FBXW2: variants seen among roughly 807,000 people sequenced by gnomAD.
FBXW2 encodes the protein F-box/WD repeat-containing protein 2.
In FBXW2, 12 loss-of-function variants were observed where a neutral mutation model predicts 46.0. That is an observed-to-expected ratio of 0.26 (90% CI 0.17 to 0.42). FBXW2 has a LOEUF of 0.42. Ranked by LOEUF, FBXW2 falls within the 10% of genes least tolerant of loss-of-function variation. The probability of loss-of-function intolerance (pLI) is 1.00; values close to 1 mark genes in which losing one functional copy is unlikely to be tolerated. For missense variants in FBXW2, 360 were observed against 537.0 expected, an observed-to-expected ratio of 0.67 and a Z score of 3.26; for synonymous variants, 203 against 209.6, an observed-to-expected ratio of 0.97 and a Z score of 0.27.
intron 6 of FBXW2, among the ~76,000 whole-genome samples, chr9:120,772,426 G>A (rs1207775386): frequency 6.6e-6 from 1 of 152,136 alleles, no homozygotes; most frequent in Non-Finnish European, 1.5e-5. Context: ...CCAGGGGGCG[G>A]AGGTTGCAGT....
intron 5 of FBXW2, among the ~76,000 whole-genome samples, chr9:120,773,282 A>G (rs2044419894): frequency 6.6e-6 from 1 of 152,190 alleles, no homozygotes; most frequent in South Asian, 2.1e-4. Flanking sequence ...AAATTATAAA[A>G]TGTAACTTAA....
At position 120,778,451 on chromosome 9, in the gene FBXW2, A is replaced by G. The variant is rs755679141; in HGVS notation, c.585T>C (p.Asp195=). 1 of 1,614,124 alleles carries G rather than the reference A, an allele frequency of 6.2e-7. No individual in the cohort carries two copies. Among genetic ancestry groups the G allele is most frequent in the South Asian group, 1.1e-5 (1 of 91,066 alleles). ...QTHTCAAVKF[D]EQKLVTGSFD... is the part of the protein sequence containing the mutation. The stretch of plus-strand genomic sequence containing the variant: ...AGGAGCCTGTCACAAGCTTCTGTTC[A>G]TCAAACTTCACCGCTGCACAAGTGT... Residue 195 remains aspartate, a synonymous_variant, in exon 4 of 8, where the codon GAT becomes GAC. Coordinates refer to ENST00000608872, the MANE Select transcript of FBXW2 (RefSeq NM_012164.4).
rs1003744596 is a variant in FBXW2, at chr9:120,758,892, A to G, written c.*5667T>C. On this transcript the variant is annotated 3_prime_UTR_variant, in exon 8 of 8. Coordinates refer to ENST00000608872, the MANE Select transcript of FBXW2 (RefSeq NM_012164.4). ...GAGGAAGACTATTCCAAGGTCTGGA[A>G]GCAAAATGGGACTTTTACCCACCCC... The G allele has an allele frequency of 2.6e-5, 4 of 152,236 alleles. No homozygotes were observed. Among genetic ancestry groups the G allele is most frequent in the Non-Finnish European group, 5.9e-5 (4 of 68,036 alleles). The allele number at this position is 152,236 out of a possible 1,614,324, so 9.4% of individuals were successfully genotyped here.
In FBXW2 at chr9:120,760,871, G is replaced by A. The variant is rs978699318; in HGVS notation, c.*3688C>T. 1 of 152,170 alleles carries A rather than the reference G, an allele frequency of 6.6e-6. No individual in the cohort carries two copies. The highest frequency in any genetic ancestry group is 2.4e-5 in the African/African-American group (1 of 41,436). The allele number at this position is 152,170 out of a possible 1,614,324, so 9.4% of individuals were successfully genotyped here. On this transcript the variant is annotated 3_prime_UTR_variant, in exon 8 of 8. Transcript: ENST00000608872. Reference sequence around the variant, plus strand: ...AGTTATTTCTTTTGTTTTACAAATAGAGAGCAGTAATCATTTTCCTATGAA... The same window carrying A: ...AGTTATTTCTTTTGTTTTACAAATAAAGAGCAGTAATCATTTTCCTATGAA...
chr9:120,781,379 C>CAA (rs2044608114), intron 3 of FBXW2, among the ~76,000 whole-genome samples: 1 of 152,146 alleles, frequency 6.6e-6, no homozygotes, highest in Non-Finnish European at 1.5e-5. Flanking sequence ...CAATGCTTGT[C>CAA]AAAAGCACTG....
intron 7 of FBXW2, among the ~76,000 whole-genome samples, chr9:120,769,793 G>C (rs1479263197): frequency 6.6e-6 from 1 of 152,208 alleles, no homozygotes; most frequent in Non-Finnish European, 1.5e-5. Context: ...GTGGAATGCT[G>C]GGCAAGGCCC....
At chr9:120,776,495 T>C (rs957748072) in intron 4 of FBXW2, 4 of 377,038 alleles carry the variant, frequency 1.1e-5, no homozygotes, top group Admixed American at 4.3e-5. Context: ...ATGTTGGAGA[T>C]AATGGCATTC....
chr9:120,782,085 T>A (rs1034140740), intron 3 of FBXW2, among the ~76,000 whole-genome samples: 4 of 150,788 alleles, frequency 2.7e-5, no homozygotes, highest in African/African-American at 7.3e-5. Flanking sequence ...CTTGAAGACA[T>A]CATGCTAAGT....
At position 120,772,774 on chromosome 9, in the gene FBXW2, C is replaced by T; in HGVS notation, c.886G>A (p.Ala296Thr). The T allele has an allele frequency of 6.4e-7, 1 of 1,568,390 alleles. No homozygotes were observed. The highest frequency in any genetic ancestry group is 8.6e-7 in the Non-Finnish European group (1 of 1,165,552). The change falls in exon 6 of 8, where the codon GCA becomes ACA. Residue 296 changes from alanine (A) to threonine (T), a missense_variant. By Grantham distance (58) the Ala-to-Thr change is moderately conservative (BLOSUM62 0). Transcript: ENST00000608872. ...HSPGDYILLS[A>T]DKYEIKIWPI... ...CTCACCTTAATCTCATATTTGTCTG[C>T]ACTTAAGAGGATGTAGTCTCCAGGA... is the stretch of plus-strand genomic sequence containing the variant.
At chr9:120,765,006 G>T (rs893580901) in intron 7 of FBXW2, among the ~76,000 whole-genome samples, 159 bp from the exon 8 acceptor site, 1 of 151,912 alleles carries the variant, frequency 6.6e-6, no homozygotes, top group African/African-American at 2.4e-5. Context: ...GAAAAGCTCA[G>T]CCCACTTATA....
At chr9:120,778,302 T>TAA in intron 4 of FBXW2, 49 bp downstream of exon 4, 1 of 1,500,414 alleles carries the variant, frequency 6.7e-7, no homozygotes, top group Non-Finnish European at 9.0e-7. Flanking sequence ...GCTCCTGGCT[T>TAA]AAAAGGATGA....
At chr9:120,772,089 G>GTCTGT (rs1181704298) in intron 6 of FBXW2, among the ~76,000 whole-genome samples, 3 of 145,244 alleles carry the variant, frequency 2.1e-5, no homozygotes, top group African/African-American at 7.9e-5. Flanking sequence ...AAAAAGAGAT[G>GTCTGT]CAGTAAGAAT....
intron 6 of FBXW2, among the ~76,000 whole-genome samples, chr9:120,772,087 A>C (rs2044389101): frequency 6.7e-6 from 1 of 148,218 alleles, no homozygotes; most frequent in Non-Finnish European, 1.5e-5. Flanking sequence ...AAAAAAAGAG[A>C]TGCAGTAAGA....
chr9:120,776,942 G>C (rs2044509389), intron 4 of FBXW2, among the ~76,000 whole-genome samples: 1 of 152,112 alleles, frequency 6.6e-6, no homozygotes, highest in African/African-American at 2.4e-5. Flanking sequence ...TCTTGCTAGG[G>C]AAACATCAAG....
rs1353399446 is a variant in FBXW2 at position 120,762,806 on chromosome 9, G to A, written c.*1753C>T. 3 of 152,222 alleles carry A rather than the reference G, an allele frequency of 2.0e-5. No homozygotes were observed. Among genetic ancestry groups the A allele is most frequent in the African/African-American group, 7.2e-5 (3 of 41,444 alleles). 9.4% of individuals were successfully genotyped at this position (152,222 alleles called of 1,614,324 possible). A position where few individuals can be genotyped will look rare whatever the true frequency, so the allele number is the denominator to read the frequency against. The stretch of plus-strand genomic sequence containing the variant: ...GTTCCCAGACATAAGCTGTCACTGA[G>A]GTTCCAATTCTTATGTTCATCTTCA... On this transcript the variant is annotated 3_prime_UTR_variant, in exon 8 of 8. Coordinates refer to ENST00000608872, the MANE Select transcript of FBXW2 (RefSeq NM_012164.4).
At chr9:120,781,964 G>A (rs527784662) in intron 3 of FBXW2, among the ~76,000 whole-genome samples, 84 of 150,760 alleles carry the variant, frequency 5.6e-4, no homozygotes, top group Non-Finnish European at 1.1e-3. Context: ...CGGAGGTTGC[G>A]GTGAGCCAAG....
At position 120,757,939 on chromosome 9, in the gene FBXW2, T is replaced by G. The variant is rs1046740873; in HGVS notation, c.*6620A>C. ...TTGCTTCTGATCTTTTATTTTCAAT[T>G]TTAGATGCTCTGGAAGTTATTTTTC... On this transcript the variant is annotated 3_prime_UTR_variant, in exon 8 of 8. Transcript: ENST00000608872. 1 of 152,244 alleles carries G rather than the reference T, an allele frequency of 6.6e-6. No homozygotes were observed. Among genetic ancestry groups the G allele is most frequent in the Non-Finnish European group, 1.5e-5 (1 of 68,050 alleles). 9.4% of individuals were successfully genotyped at this position (152,244 alleles called of 1,614,324 possible).
chr9:120,790,818 A>G (rs1164953341), intron 2 of FBXW2, among the ~76,000 whole-genome samples: 1 of 152,210 alleles, frequency 6.6e-6, no homozygotes, highest in African/African-American at 2.4e-5. Flanking sequence ...CTAGAACTTA[A>G]ATTTAAAAAA....
intron 3 of FBXW2, among the ~76,000 whole-genome samples, chr9:120,782,239 C>T (rs1361440125): frequency 6.6e-6 from 1 of 151,204 alleles, no homozygotes; most frequent in Non-Finnish European, 1.5e-5. Flanking sequence ...GAGGCCGAGG[C>T]TGGTTCACCT....
Sources: gnomAD v4.1 joint callset for allele counts (sites outside exome capture counted in the v4.1 genomes callset) on GRCh38, gnomAD v4.1.1 for gene constraint, MANE v1.5 for transcripts, NCBI Gene and HGNC (gene_info 2026-07-23, HGNC 2026-07-21) for gene names.